Variants in CABLES1 observed in about 807,000 individuals in gnomAD.
CABLES1 encodes the protein CDK5 and ABL1 enzyme substrate 1.
Under a neutral mutation model 57.8 loss-of-function variants are expected in CABLES1, and 36 were observed. The ratio of observed to expected loss-of-function variants is 0.62; its 90% CI spans 0.48 to 0.82. CABLES1 has a LOEUF of 0.82. CABLES1 is among the 40% of genes least tolerant of loss of function. The pLI is 0.00. For missense variants in CABLES1, 767 were observed against 836.6 expected (o/e 0.92, Z 1.03); for synonymous variants, 374 against 363.0 (o/e 1.03, Z -0.35).
At chr18:23,187,447 C>T (rs537000335) in intron 1 of CABLES1, among the ~76,000 whole-genome samples, 72 of 152,310 alleles carry the variant, frequency 4.7e-4, no homozygotes, top group African/African-American at 1.5e-3. Context: ...AGTCCAGTGG[C>T]ACGATCTCAG....
At chr18:23,143,825 T>C (rs1417199608) in intron 1 of CABLES1, among the ~76,000 whole-genome samples, 1 of 804 alleles carries the variant, frequency 1.2e-3, no homozygotes, top group Non-Finnish European at 2.6e-3. Flanking sequence ...CCCCTGTCAA[T>C]CCCTCCCCCC....
At chr18:23,229,304 C>T (rs1160531197) in intron 4 of CABLES1, among the ~76,000 whole-genome samples, 13 of 152,022 alleles carry the variant, frequency 8.6e-5, no homozygotes, top group Non-Finnish European at 5.9e-5. Flanking sequence ...CCCAGCTACT[C>T]GGGAGGCTGA....
intron 1 of CABLES1, among the ~76,000 whole-genome samples, chr18:23,172,136 C>G (rs115242827): frequency 0.011 from 1,603 of 152,234 alleles, 15 homozygotes; most frequent in Middle Eastern, 0.031. Flanking sequence ...GTTGCCCAGG[C>G]TGGAACATTT....
At chr18:23,247,252 G>C (rs1327910437) in intron 7 of CABLES1, among the ~76,000 whole-genome samples, 2 of 152,244 alleles carry the variant, frequency 1.3e-5, no homozygotes, top group Non-Finnish European at 2.9e-5. Flanking sequence ...GGAGAATCAT[G>C]ACCTCCTGTA....
At chr18:23,157,742 C>CT (rs530554214) in intron 1 of CABLES1, among the ~76,000 whole-genome samples, 147 of 152,170 alleles carry the variant, frequency 9.7e-4, no homozygotes, top group Middle Eastern at 6.8e-3. Context: ...GTGACACGTG[C>CT]TTATAGTCCC....
chr18:23,153,251 A>G (rs2144964225), intron 1 of CABLES1, among the ~76,000 whole-genome samples: 1 of 151,484 alleles, frequency 6.6e-6, no homozygotes, highest in South Asian at 2.1e-4. Flanking sequence ...ATGCACTACC[A>G]CACCTGGCTA....
intron 1 of CABLES1, among the ~76,000 whole-genome samples, chr18:23,140,935 C>G (rs534131094): frequency 6.6e-6 from 1 of 152,316 alleles, no homozygotes; most frequent in South Asian, 2.1e-4. Context: ...GCTTGTGTCT[C>G]AGGCCCTTTC....
intron 3 of CABLES1, among the ~76,000 whole-genome samples, chr18:23,202,189 C>A (rs1409840733): frequency 6.6e-6 from 1 of 152,184 alleles, no homozygotes; most frequent in African/African-American, 2.4e-5. Context: ...AACACAGTCA[C>A]TCTGGGTGAC....
intron 3 of CABLES1, among the ~76,000 whole-genome samples, chr18:23,213,162 C>T (rs981117692): frequency 7.9e-5 from 12 of 152,250 alleles, no homozygotes; most frequent in African/African-American, 2.4e-4. Flanking sequence ...GAACCATTTT[C>T]CCTGGTCTTA....
chr18:23,252,883 T>G, intron 7 of CABLES1, 77 bp from the exon 8 acceptor site: 1 of 915,670 alleles, frequency 1.1e-6, no homozygotes, highest in Non-Finnish European at 1.8e-6. Context: ...GAGTTGTAAG[T>G]TGGTCGTAGT....
intron 5 of CABLES1, 78 bp from the exon 6 acceptor site, chr18:23,235,817 C>A: frequency 7.3e-7 from 1 of 1,375,970 alleles, no homozygotes; most frequent in Non-Finnish European, 1.0e-6. Context: ...TGTGGGGTGA[C>A]AACTGTAGCT....
chr18:23,165,348 T>C (rs1396055617), intron 1 of CABLES1, among the ~76,000 whole-genome samples: 2 of 152,208 alleles, frequency 1.3e-5, no homozygotes, highest in Non-Finnish European at 2.9e-5. Context: ...TTCTCCCATC[T>C]TGGCCTCTGA....
chr18:23,204,889 C>T (rs772291399), intron 3 of CABLES1, among the ~76,000 whole-genome samples: 6 of 152,204 alleles, frequency 3.9e-5, no homozygotes, highest in African/African-American at 7.2e-5. Flanking sequence ...TATCTCCCAT[C>T]GGGTCCCTCC....
chr18:23,245,130 C>G (rs528559753), intron 7 of CABLES1, among the ~76,000 whole-genome samples: 3 of 152,156 alleles, frequency 2.0e-5, no homozygotes, highest in Non-Finnish European at 4.4e-5. Flanking sequence ...GCATTGTTAC[C>G]GTGGGCCAGG....
intron 4 of CABLES1, among the ~76,000 whole-genome samples, chr18:23,222,022 G>A (rs2047491271): frequency 6.6e-6 from 1 of 152,172 alleles, no homozygotes; most frequent in African/African-American, 2.4e-5. Flanking sequence ...TAGTGAGACT[G>A]CATAGATGTC....
At chr18:23,163,302 G>C (rs972644469) in intron 1 of CABLES1, among the ~76,000 whole-genome samples, 1 of 152,174 alleles carries the variant, frequency 6.6e-6, no homozygotes, top group Non-Finnish European at 1.5e-5. Context: ...GTGGGATCCT[G>C]GAGCTTCAGA....
intron 5 of CABLES1, 57 bp downstream of exon 5, chr18:23,234,761 G>A: frequency 1.4e-6 from 2 of 1,382,652 alleles, no homozygotes; most frequent in African/African-American, 1.4e-5. Flanking sequence ...GGGTCAGGAA[G>A]CAGAGGAGGG....
At chr18:23,218,072 G>A (rs893891509) in intron 4 of CABLES1, among the ~76,000 whole-genome samples, 1 of 152,184 alleles carries the variant, frequency 6.6e-6, no homozygotes, top group Non-Finnish European at 1.5e-5. Flanking sequence ...CCACCCCACC[G>A]ATTAAGGGGC....
At chr18:23,208,159 G>C (rs935571387) in intron 3 of CABLES1, among the ~76,000 whole-genome samples, 1 of 152,110 alleles carries the variant, frequency 6.6e-6, no homozygotes, top group African/African-American at 2.4e-5. Context: ...TCTCTTCCCA[G>C]CTCCGGCCCT....
Sources: gnomAD v4.1 joint callset for allele counts (sites outside exome capture counted in the v4.1 genomes callset) on GRCh38, gnomAD v4.1.1 for gene constraint, MANE v1.5 for transcripts, NCBI Gene and HGNC (gene_info 2026-07-23, HGNC 2026-07-21) for gene names.